The following RNFT2 variants were observed in gnomAD, a reference collection of about 807,000 sequenced individuals.
RNFT2 encodes ring finger protein, transmembrane 2.
In RNFT2, 36 loss-of-function variants were observed where a neutral mutation model predicts 53.0. That is an observed-to-expected ratio of 0.68 (90% confidence interval 0.52 to 0.90). The LOEUF (loss-of-function observed/expected upper bound fraction) is 0.90. Ranked by LOEUF, RNFT2 falls within the 40% of genes least tolerant of loss-of-function variation. RNFT2 has a pLI of 0.00. For missense variants in RNFT2, 514 were observed against 585.6 expected, an observed-to-expected ratio of 0.88 and a Z score of 1.26; for synonymous variants, 260 against 253.2, an observed-to-expected ratio of 1.03 and a Z score of -0.26.
Position 116,779,226 on chromosome 12 carries a change from C to T in RNFT2, c.760C>T (p.Leu254=), listed in dbSNP as rs766287783. The T allele has an allele frequency of 4.3e-6, 7 of 1,613,902 alleles. No homozygotes were observed. Among genetic ancestry groups the T allele is most frequent in the Non-Finnish European group, 5.9e-6 (7 of 1,179,898 alleles). ...ATTCCTGAAGCCCAACCTGGAGATG[C>T]TGGACTTCTTTGACCTGCTATGGAT... ...LIFLKPNLEM[L]DFFDLLWIVG... The change falls in exon 7 of 11, where the codon CTG becomes TTG. Residue 254 remains leucine (L), a synonymous_variant. Coordinates refer to ENST00000257575, the MANE Select transcript of RNFT2 (RefSeq NM_001382266.1).
chr12:116,751,659 C>T (rs1046797271), intron 4 of RNFT2, among the ~76,000 whole-genome samples: 6 of 152,158 alleles, frequency 3.9e-5, no homozygotes, highest in Non-Finnish European at 8.8e-5. Flanking sequence ...CCTCAGCCTC[C>T]CAAAGTGCTG....
At chr12:116,828,399 A>G (rs946131083) in intron 7 of RNFT2, among the ~76,000 whole-genome samples, 6 of 152,226 alleles carry the variant, frequency 3.9e-5, no homozygotes, top group African/African-American at 1.2e-4. Flanking sequence ...GTGGCTGGAA[A>G]GATAACTTCT....
intron 6 of RNFT2, among the ~76,000 whole-genome samples, chr12:116,768,031 G>A (rs1872994198): frequency 6.6e-6 from 1 of 151,338 alleles, no homozygotes; most frequent in South Asian, 2.1e-4. Context: ...GGACAACCAA[G>A]AAACTAGAAA....
chr12:116,834,941 C>T (rs975278993), intron 8 of RNFT2, among the ~76,000 whole-genome samples: 1 of 151,788 alleles, frequency 6.6e-6, no homozygotes, highest in Non-Finnish European at 1.5e-5. Flanking sequence ...CCTCCGCCTC[C>T]CGGGTTCAAG....
chr12:116,746,330 CG>C (rs1042692168), intron 3 of RNFT2, among the ~76,000 whole-genome samples: 1 of 152,084 alleles, frequency 6.6e-6, no homozygotes, highest in African/African-American at 2.4e-5. Context: ...CCAGTGGGGT[CG>C]GGGCACCTGT....
At chr12:116,824,781 A>G (rs990064086) in intron 7 of RNFT2, among the ~76,000 whole-genome samples, 10 of 152,114 alleles carry the variant, frequency 6.6e-5, no homozygotes, top group Admixed American at 6.5e-4. Context: ...CCATCATGAG[A>G]GCTCTACTCT....
intron 7 of RNFT2, among the ~76,000 whole-genome samples, chr12:116,831,223 G>A (rs1177345541): frequency 6.6e-6 from 1 of 151,650 alleles, no homozygotes; most frequent in Non-Finnish European, 1.5e-5. Flanking sequence ...GAGAGAGAGA[G>A]ATAATATCCT....
At chr12:116,783,090 A>G (rs1873785835) in intron 7 of RNFT2, among the ~76,000 whole-genome samples, 1 of 152,172 alleles carries the variant, frequency 6.6e-6, no homozygotes, top group South Asian at 2.1e-4. Context: ...TACTATGCCC[A>G]TCTTTCCTCC....
chr12:116,746,831 G>A (rs1871919422), intron 3 of RNFT2, among the ~76,000 whole-genome samples: 1 of 152,168 alleles, frequency 6.6e-6, no homozygotes, highest in African/African-American at 2.4e-5. Context: ...AGCCCTGGGA[G>A]GGCTTTTAGT....
chr12:116,790,620 T>C (rs1874189038), intron 7 of RNFT2, among the ~76,000 whole-genome samples: 1 of 152,230 alleles, frequency 6.6e-6, no homozygotes, highest in South Asian at 2.1e-4. Context: ...GCTGTTGTCT[T>C]GATTTTTTGT....
intron 10 of RNFT2, among the ~76,000 whole-genome samples, chr12:116,838,741 G>A (rs1255636346): frequency 6.6e-6 from 1 of 152,218 alleles, no homozygotes; most frequent in African/African-American, 2.4e-5. Context: ...AGTCTGACAA[G>A]CTCTCTAAGC....
chr12:116,779,363 C>T lies in RNFT2; in HGVS notation c.882+15C>T, dbSNP rs748892916. The T allele has an allele frequency of 1.5e-5, 25 of 1,613,510 alleles. No individual in the cohort carries two copies. Among genetic ancestry groups the T allele is most frequent in the African/African-American group, 2.7e-5 (2 of 74,928 alleles). On this transcript the variant is annotated intron_variant, in intron 7 of 10. Transcript: ENST00000257575. The stretch of plus-strand genomic sequence containing the variant: ...TCAAGTCCAAGGTAGGCACTGGCTG[C>T]GGCCACAAGGTAGCCCCAGTCACAT...
chr12:116,750,611 G>A (rs1872145640), intron 4 of RNFT2, among the ~76,000 whole-genome samples: 1 of 151,422 alleles, frequency 6.6e-6, no homozygotes, highest in Non-Finnish European at 1.5e-5. Context: ...TCAGACTGCT[G>A]GAGTCTGCAC....
In RNFT2 at chr12:116,743,213, T is replaced by TAAAAAAAAAAAAAAAAAAAA. The variant is rs762013507; in HGVS notation, c.83+2131_83+2150dup. On this transcript the variant is annotated intron_variant, in intron 3 of 10. Transcript: ENST00000257575. Reference sequence around the variant, plus strand: ...TGATTAATAGATACCAGGTAGAATCTAAAAAAAAAAAAAAAAAAAAAAAAA... The same window carrying TAAAAAAAAAAAAAAAAAAAA: ...TGATTAATAGATACCAGGTAGAATCTAAAAAAAAAAAAAAAAAAAAAAAAAAAAAAAAAAAAAAAAAAAAA... 1.1e-3 allele frequency among the ~76,000 whole-genome samples: 12 copies of TAAAAAAAAAAAAAAAAAAAA among 10,678 alleles called. 1 individual carries two copies. The highest frequency in any genetic ancestry group is 2.8e-3 in the East Asian group (1 of 358). The allele number at this position is 10,678 out of a possible 152,430, so 7.0% of individuals were successfully genotyped here.
At chr12:116,787,271 A>G (rs549094923) in intron 7 of RNFT2, among the ~76,000 whole-genome samples, 66 of 152,378 alleles carry the variant, frequency 4.3e-4, no homozygotes, top group African/African-American at 1.3e-3. Flanking sequence ...CATCTGCCAG[A>G]TCGGCCAGGT....
chr12:116,817,607 G>C (rs1488764329), intron 7 of RNFT2, among the ~76,000 whole-genome samples: 1 of 152,202 alleles, frequency 6.6e-6, no homozygotes, highest in Non-Finnish European at 1.5e-5. Context: ...TGGGAAACCA[G>C]AATGCCAAAC....
chr12:116,801,490 A>G (rs2137151529), intron 7 of RNFT2: 1 of 152,342 alleles, frequency 6.6e-6, no homozygotes, highest in East Asian at 1.9e-4. Context: ...TCTGCCTCTG[A>G]GACCTTGATT....
intron 7 of RNFT2, among the ~76,000 whole-genome samples, chr12:116,789,960 G>GTGGGTGGA (rs1555261850): frequency 5.5e-5 from 8 of 146,280 alleles, no homozygotes; most frequent in South Asian, 2.2e-4. Context: ...GGATGGGTGG[G>GTGGGTGGA]TGGATGGATG....
chr12:116,743,213 T>TAAAAAAAGAAAAAAAAAAAAAAAAA (rs1871705680), intron 3 of RNFT2, among the ~76,000 whole-genome samples: 1 of 10,678 alleles, frequency 9.4e-5, no homozygotes, highest in Non-Finnish European at 1.7e-4. Context: ...AGGTAGAATC[T>TAAAAAAAGAAAAAAAAAAAAAAAAA]AAAAAAAAAA....
Sources: allele counts gnomAD v4.1 joint callset (sites outside exome capture counted in the v4.1 genomes callset), GRCh38; gene constraint gnomAD v4.1.1; transcripts MANE v1.5; gene names NCBI Gene and HGNC (gene_info 2026-07-23, HGNC 2026-07-21).